The following TM2D2 variants were observed in gnomAD, a reference collection of about 807,000 sequenced individuals.
TM2D2 encodes TM2 domain containing 2.
Under a neutral mutation model 23.0 loss-of-function variants are expected in TM2D2, and 19 were observed. The observed-to-expected ratio is 0.82, with a 90% CI of 0.58 to 1.21. TM2D2 has a LOEUF of 1.21. Ranked by LOEUF, TM2D2 falls within the 50% of genes most tolerant of loss-of-function variation. The pLI is 0.00. For missense variants in TM2D2, 246 were observed against 265.4 expected, an observed-to-expected ratio of 0.93 and a Z score of 0.51; for synonymous variants, 120 against 108.8, an observed-to-expected ratio of 1.10 and a Z score of -0.64.
chr8:38,996,914 AG>A (rs1835824889), upstream of TM2D2: 2 of 1,447,810 alleles, frequency 1.4e-6, no homozygotes, highest in Non-Finnish European at 1.9e-6. Flanking sequence ...CAGTTGCGTC[AG>A]TGCCGCGCGC....
Position 38,996,257 on chromosome 8 carries a change from C to T in TM2D2, c.183G>A (p.Trp61Ter), listed in dbSNP as rs1301704531. 3 of 1,613,814 alleles carry T rather than the reference C, an allele frequency of 1.9e-6. No homozygotes were observed. The highest frequency in any genetic ancestry group is 2.5e-6 in the Non-Finnish European group (3 of 1,180,014). ...CCGGAGAGTGGGGGTCGCCATATTC[C>T]CAGCTCGCAGCACCCCCGGGGCCCT... is the stretch of plus-strand genomic sequence containing the variant. ...QPEGPGGAAS[W>*]EYGDPHSPVI... Residue 61 changes from tryptophan (W) to a stop codon, truncating the protein, a stop_gained, in exon 1 of 4, where the codon TGG becomes TGA. Transcript: ENST00000456397. LOFTEE classifies it high-confidence loss of function.
upstream of TM2D2, chr8:38,996,903 T>A: frequency 6.9e-7 from 1 of 1,439,800 alleles, no homozygotes; most frequent in Non-Finnish European, 9.4e-7. Flanking sequence ...GACCGAGGGC[T>A]CAGTTGCGTC....
At position 38,995,084 on chromosome 8, in the gene TM2D2, A is replaced by C. The variant is rs1835717134; in HGVS notation, c.315+234T>G. 6 of 425,810 alleles carry C rather than the reference A, an allele frequency of 1.4e-5. No individual in the cohort carries two copies. The East Asian group carries it at 2.4e-4, about 17-fold the overall frequency. The allele number at this position is 425,810 out of a possible 1,614,324, so 26.4% of individuals were successfully genotyped here. ...AATCTGTCAGTGGCCAAAGGAACCA[A>C]AGACAGGTTGGTCTTTGCACCTGGG... On this transcript the variant is annotated intron_variant, in intron 2 of 3. Transcript: ENST00000456397.
Position 38,996,398 on chromosome 8 carries a change from G to A in TM2D2, c.42C>T (p.Cys14=). 6.2e-7 allele frequency: 1 copy of A among 1,614,190 alleles called. No individual in the cohort carries two copies. The highest frequency in any genetic ancestry group is 8.5e-7 in the Non-Finnish European group (1 of 1,180,042). The part of the protein sequence containing the change: ...GGCPVSYLLL[C]GQAALLLGNL... ...TCCCCAGCAGCAAAGCCGCCTGGCCGCACAGAAGTAAGTAACTAACCGGGC... is the reference window on the plus strand; with the variant it reads ...TCCCCAGCAGCAAAGCCGCCTGGCCACACAGAAGTAAGTAACTAACCGGGC... Residue 14 remains cysteine (C), a synonymous_variant, in exon 1 of 4, where the codon TGC becomes TGT. Coordinates refer to ENST00000456397, the MANE Select transcript of TM2D2 (RefSeq NM_078473.3).
intron 1 of TM2D2, chr8:38,995,917 G>C (rs202244405): frequency 1.3e-6 from 1 of 762,802 alleles, no homozygotes; most frequent in South Asian, 2.2e-5. Flanking sequence ...ACTCTCCTTG[G>C]GCTAAAGGGC....
Position 38,991,536 on chromosome 8 carries a change from T to G in TM2D2, c.441A>C (p.Gly147=). The part of the protein sequence containing the change: ...RENKPCIKYT[G]HYFITTLLYS... ...AGAGTAAAGTGGTTATGAAGTAGTGTCCGGTATACCTAGGTGAAAGGAATG... is the reference window on the plus strand; with the variant it reads ...AGAGTAAAGTGGTTATGAAGTAGTGGCCGGTATACCTAGGTGAAAGGAATG... Residue 147 remains glycine, a synonymous_variant, in exon 4 of 4, where the codon GGA becomes GGC. Coordinates refer to ENST00000456397, the MANE Select transcript of TM2D2 (RefSeq NM_078473.3). 1 of 1,612,254 alleles carries G rather than the reference T, an allele frequency of 6.2e-7. No homozygotes were observed. Among genetic ancestry groups the G allele is most frequent in the Non-Finnish European group, 8.5e-7 (1 of 1,178,336 alleles).
intron 2 of TM2D2, among the ~76,000 whole-genome samples, chr8:38,994,768 C>T (rs1424934012): frequency 1.3e-5 from 2 of 152,144 alleles, no homozygotes; most frequent in African/African-American, 4.8e-5. Context: ...ACCTTAATAG[C>T]GTTTTTCCAT....
chr8:38,996,068 TG>T, intron 1 of TM2D2, 144 bp downstream of exon 1: 1 of 1,002,970 alleles, frequency 1.0e-6, no homozygotes, highest in Non-Finnish European at 1.4e-6. Context: ...GTGAGAAACC[TG>T]GTTCATGATA....
intron 1 of TM2D2, 83 bp downstream of exon 1, chr8:38,996,129 TC>T (rs1338080540): frequency 4.1e-6 from 6 of 1,460,844 alleles, no homozygotes; most frequent in East Asian, 2.4e-5. Context: ...AAATGCAGCG[TC>T]CCCCCAACCC....
intron 1 of TM2D2, 109 bp downstream of exon 1, chr8:38,996,104 A>G (rs2129429730): frequency 7.6e-7 from 1 of 1,307,736 alleles, no homozygotes; most frequent in Admixed American, 2.6e-5. Context: ...GACCTCAGAG[A>G]GGCAGGGTCT....
chr8:38,990,077 C>T lies in TM2D2; in HGVS notation c.*1255G>A, dbSNP rs112565908. On this transcript the variant is annotated 3_prime_UTR_variant, in exon 4 of 4. Transcript: ENST00000456397. ...CAGAACTTTCAAGACAGAATAGGAT[C>T]ATCTGTTTTAAATTTTTTACAGAAA... 6.6e-6 allele frequency: 1 copy of T among 152,172 alleles called. No individual in the cohort carries two copies. Among genetic ancestry groups the T allele is most frequent in the East Asian group, 1.9e-4 (1 of 5,194 alleles). The allele number at this position is 152,172 out of a possible 1,614,324, so 9.4% of individuals were successfully genotyped here.
At chr8:38,991,687 T>C (rs1835606552) in intron 3 of TM2D2, 142 bp from the exon 4 acceptor site, 1 of 692,956 alleles carries the variant, frequency 1.4e-6, no homozygotes, top group Admixed American at 2.4e-5. Flanking sequence ...TCTTTTATGA[T>C]ATGGTCAGTG....
At chr8:38,996,776 T>C (rs1835818894), upstream of TM2D2, 8 of 1,417,724 alleles carry the variant, frequency 5.6e-6, no homozygotes, top group South Asian at 1.5e-5. Context: ...GGGGCGGATA[T>C]GACTGGCGGG....
chr8:38,996,937 G>T (rs751372243), upstream of TM2D2: 6 of 1,449,064 alleles, frequency 4.1e-6, no homozygotes, highest in Admixed American at 1.0e-4. Context: ...TGCTCGTCGG[G>T]CGCGCGTGCT....
intron 2 of TM2D2, among the ~76,000 whole-genome samples, chr8:38,994,872 C>T (rs1236764291): frequency 6.6e-6 from 1 of 152,208 alleles, no homozygotes; most frequent in Non-Finnish European, 1.5e-5. Context: ...CTCCTACGGA[C>T]ATGGTGGAAC....
chr8:38,992,981 T>C (rs1405134623), intron 3 of TM2D2, among the ~76,000 whole-genome samples: 1 of 152,236 alleles, frequency 6.6e-6, no homozygotes, highest in Non-Finnish European at 1.5e-5. Flanking sequence ...ACCTTAATGA[T>C]AAACTGATTT....
At chr8:38,996,571 C>T, upstream of TM2D2, 1 of 1,469,610 alleles carries the variant, frequency 6.8e-7, no homozygotes, top group East Asian at 2.5e-5. Flanking sequence ...CCAATGGACG[C>T]GCAGCTCGAC....
upstream of TM2D2, chr8:38,996,760 C>T (rs112316699): frequency 2.1e-3 from 3,013 of 1,417,450 alleles, 11 homozygotes; most frequent in Non-Finnish European, 2.0e-3. Flanking sequence ...CGGCAGCCGA[C>T]GGGGCGGGGC....
chr8:38,996,990 A>G (rs571616096), upstream of TM2D2: 102 of 1,549,676 alleles, frequency 6.6e-5, 2 homozygotes, highest in East Asian at 8.0e-4. Context: ...GGGCCCCGGC[A>G]GGGTTGGAAA....
Sources: gnomAD v4.1 joint callset for allele counts (sites outside exome capture counted in the v4.1 genomes callset) on GRCh38, gnomAD v4.1.1 for gene constraint, MANE v1.5 for transcripts, NCBI Gene and HGNC (gene_info 2026-07-23, HGNC 2026-07-21) for gene names.